The following ATPAF1 variants were observed in gnomAD, a reference collection of about 807,000 sequenced individuals.
The protein encoded by ATPAF1 is homolog of yeast ATP11.
Under a neutral mutation model 43.9 loss-of-function variants are expected in ATPAF1, and 26 were observed. The ratio of observed to expected loss-of-function variants is 0.59; its 90% CI spans 0.43 to 0.82. The LOEUF (loss-of-function observed/expected upper bound fraction) is 0.82. Among genes scored for constraint, ATPAF1 ranks in the 40% least tolerant of loss-of-function variants. The pLI is 0.00. For synonymous variants in ATPAF1, 157 were observed against 168.0 expected (o/e 0.93, Z 0.50); for missense variants, 366 against 435.0 (o/e 0.84, Z 1.41).
At chr1:46,663,512 T>C (rs1676433049) in intron 2 of ATPAF1, among the ~76,000 whole-genome samples, 1 of 152,240 alleles carries the variant, frequency 6.6e-6, no homozygotes, top group Non-Finnish European at 1.5e-5. Context: ...GTGGTTTTGA[T>C]TTGCATTTCT....
exon 9 of ATPAF1, chr1:46,635,196 T>G (rs181675571): frequency 6.5e-6 from 1 of 153,484 alleles, no homozygotes; most frequent in Admixed American, 6.5e-5. Context: ...TACCTGAAAT[T>G]TGCTGATACC....
intron 8 of ATPAF1, among the ~76,000 whole-genome samples, chr1:46,642,030 T>A (rs1317436686): frequency 6.6e-6 from 1 of 152,184 alleles, no homozygotes; most frequent in Non-Finnish European, 1.5e-5. Flanking sequence ...ATTTAATACA[T>A]CGAAAAGTGA....
At chr1:46,647,774 G>A (rs1037583699) in intron 6 of ATPAF1, among the ~76,000 whole-genome samples, 2 of 152,148 alleles carry the variant, frequency 1.3e-5, no homozygotes, top group Admixed American at 6.5e-5. Flanking sequence ...CAATATGACC[G>A]GCAGTATAGG....
intron 8 of ATPAF1, among the ~76,000 whole-genome samples, chr1:46,641,476 C>T (rs1287540537): frequency 1.6e-4 from 24 of 152,122 alleles, no homozygotes; most frequent in Admixed American, 1.6e-3. Flanking sequence ...CAGCTAATAC[C>T]CCATTCTCTC....
At chr1:46,640,164 A>G (rs574151412) in intron 8 of ATPAF1, among the ~76,000 whole-genome samples, 1 of 152,318 alleles carries the variant, frequency 6.6e-6, no homozygotes, top group East Asian at 1.9e-4. Context: ...TCCATGGTCA[A>G]TAATCATTCC....
intron 6 of ATPAF1, among the ~76,000 whole-genome samples, chr1:46,650,767 C>T (rs648822): frequency 0.14 from 21,157 of 150,300 alleles, 3,791 homozygotes; most frequent in East Asian, 0.4. Flanking sequence ...AAATAAGCCA[C>T]GCACAGAGAG....
intron 1 of ATPAF1, 84 bp downstream of exon 1, chr1:46,667,973 C>T: frequency 8.7e-7 from 1 of 1,144,112 alleles, no homozygotes; most frequent in Non-Finnish European, 1.1e-6. Context: ...TAGTGCCCAC[C>T]TCACAGGGCT....
intron 8 of ATPAF1, among the ~76,000 whole-genome samples, chr1:46,640,438 C>T (rs554747514): frequency 1.1e-4 from 17 of 152,050 alleles, no homozygotes; most frequent in Non-Finnish European, 2.1e-4. Context: ...GGTGAAACCT[C>T]GTCTCTACTA....
chr1:46,642,460 C>T (rs77346672), intron 8 of ATPAF1, among the ~76,000 whole-genome samples: 1 of 152,190 alleles, frequency 6.6e-6, no homozygotes, highest in Non-Finnish European at 1.5e-5. Flanking sequence ...GTAATCACAA[C>T]ACTGCTCCTG....
At chr1:46,634,125 C>G (rs531302451), downstream of ATPAF1, 3 of 310,234 alleles carry the variant, frequency 9.7e-6, no homozygotes, top group South Asian at 5.8e-5. Context: ...AAAATAGACA[C>G]GGCTCAGAGA....
At chr1:46,645,677 A>T (rs1045419928) in intron 6 of ATPAF1, among the ~76,000 whole-genome samples, 1 of 152,108 alleles carries the variant, frequency 6.6e-6, no homozygotes, top group Non-Finnish European at 1.5e-5. Context: ...ACATTTTTTT[A>T]AAATTAAGAA....
At chr1:46,638,032 T>G (rs1309680882) in intron 8 of ATPAF1, among the ~76,000 whole-genome samples, 4 of 152,198 alleles carry the variant, frequency 2.6e-5, no homozygotes, top group Non-Finnish European at 5.9e-5. Context: ...CACACATGCC[T>G]CAAGAGCAAA....
At chr1:46,640,335 C>T (rs991619949) in intron 8 of ATPAF1, among the ~76,000 whole-genome samples, 2 of 152,134 alleles carry the variant, frequency 1.3e-5, no homozygotes, top group African/African-American at 4.8e-5. Flanking sequence ...TTTGGCCCAG[C>T]GTGGTGGCTC....
At chr1:46,637,945 T>G (rs1258065) in intron 8 of ATPAF1, among the ~76,000 whole-genome samples, 130,873 of 152,126 alleles carry the variant, frequency 0.86, 58,611 homozygotes, top group Non-Finnish European at 0.99. Context: ...AATTCATCCT[T>G]CTGTTTCTGG....
intron 4 of ATPAF1, among the ~76,000 whole-genome samples, chr1:46,654,193 C>T (rs943262688): frequency 2.6e-5 from 4 of 152,132 alleles, no homozygotes; most frequent in African/African-American, 4.8e-5. Context: ...CCCAAACCCA[C>T]ACCTCCCCAG....
intron 8 of ATPAF1, among the ~76,000 whole-genome samples, chr1:46,638,201 A>G (rs530017726): frequency 6.6e-6 from 1 of 152,292 alleles, no homozygotes; most frequent in East Asian, 1.9e-4. Flanking sequence ...TGTTCAAACT[A>G]TTCTGTAGAG....
downstream of ATPAF1, chr1:46,633,926 A>G: frequency 2.3e-6 from 1 of 438,506 alleles, no homozygotes; most frequent in Admixed American, 2.6e-5. Flanking sequence ...GTCAGAAGGC[A>G]TTTAATGAAA....
intron 1 of ATPAF1, 110 bp from the exon 2 acceptor site, chr1:46,665,474 T>C (rs551066188): frequency 4.6e-6 from 6 of 1,297,676 alleles, no homozygotes; most frequent in South Asian, 1.4e-5. Context: ...TTCAGAGAGG[T>C]TGAAAAATTT....
chr1:46,661,433 C>T (rs1262410144), intron 2 of ATPAF1, among the ~76,000 whole-genome samples: 4 of 152,170 alleles, frequency 2.6e-5, no homozygotes, highest in Non-Finnish European at 5.9e-5. Flanking sequence ...GTATTTGCTG[C>T]TTACATGTTC....
Sources: gnomAD v4.1 joint callset for allele counts (sites outside exome capture counted in the v4.1 genomes callset) on GRCh38, gnomAD v4.1.1 for gene constraint, MANE v1.5 for transcripts, NCBI Gene and HGNC (gene_info 2026-07-23, HGNC 2026-07-21) for gene names.